The following TMX2 variants were observed in gnomAD, a reference collection of about 807,000 sequenced individuals.
The protein encoded by TMX2 is thioredoxin-related transmembrane protein 2.
Under a neutral mutation model 33.4 loss-of-function variants are expected in TMX2, and 20 were observed. The observed-to-expected ratio is 0.60, with a 90% CI of 0.42 to 0.87. The LOEUF (loss-of-function observed/expected upper bound fraction) is 0.87. Ranked by LOEUF, TMX2 falls within the 40% of genes least tolerant of loss-of-function variation. The pLI, the probability that TMX2 is intolerant of heterozygous loss-of-function variation, is 0.00. For synonymous variants in TMX2, 166 were observed against 140.7 expected, an observed-to-expected ratio of 1.18 and a Z score of -1.27; for missense variants, 340 against 370.7, an observed-to-expected ratio of 0.92 and a Z score of 0.68.
chr11:57,716,600 T>A (rs1328332999), intron 1 of TMX2, among the ~76,000 whole-genome samples: 1 of 120,580 alleles, frequency 8.3e-6, no homozygotes, highest in East Asian at 2.9e-4. Context: ...ACGGGGCGGC[T>A]GGCCGGGTGG....
chr11:57,739,315 C>T, intron 7 of TMX2, 55 bp downstream of exon 7: 3 of 1,595,842 alleles, frequency 1.9e-6, no homozygotes, highest in Non-Finnish European at 2.6e-6. Flanking sequence ...GGTGGGCTTT[C>T]AAGCCCTACC....
chr11:57,727,141 A>C (rs985910037), intron 1 of TMX2, among the ~76,000 whole-genome samples: 1 of 152,192 alleles, frequency 6.6e-6, no homozygotes, highest in Non-Finnish European at 1.5e-5. Context: ...ATAATAGCTC[A>C]GAAAATAGAT....
chr11:57,737,011 G>A (rs902988824), intron 1 of TMX2, among the ~76,000 whole-genome samples: 2 of 152,030 alleles, frequency 1.3e-5, no homozygotes, highest in African/African-American at 2.4e-5. Context: ...ATAATCTTAC[G>A]ATTTTATACC....
At position 57,739,207 on chromosome 11, in the gene TMX2, C is replaced by T. The variant is rs759161110; in HGVS notation, c.691C>T (p.Arg231Trp). The change falls in exon 7 of 8, where the codon CGG becomes TGG. Residue 231 changes from arginine (R) to tryptophan (W), a missense_variant. Coordinates refer to ENST00000278422, the MANE Select transcript of TMX2 (RefSeq NM_015959.4). ...ILFQGGKEAM[R>W]RPQIDKKGRA... ...GTTCCAAGGTGGCAAGGAGGCAATG[C>T]GGCGGCCACAGATTGACAAGAAAGG... 1.2e-5 allele frequency: 20 copies of T among 1,613,966 alleles called. No individual in the cohort carries two copies. Among genetic ancestry groups the T allele is most frequent in the Admixed American group, 3.3e-5 (2 of 59,994 alleles).
Position 57,740,208 on chromosome 11 carries a change from C to A in TMX2, c.854C>A (p.Thr285Asn). The A allele has an allele frequency of 1.2e-6, 2 of 1,611,832 alleles. No individual in the cohort carries two copies. Among genetic ancestry groups the A allele is most frequent in the African/African-American group, 1.3e-5 (1 of 74,840 alleles). The change falls in exon 8 of 8, where the codon ACC becomes AAC. Residue 285 changes from threonine to asparagine, a missense_variant. Coordinates refer to ENST00000278422, the MANE Select transcript of TMX2 (RefSeq NM_015959.4). ...GAGCAGCCTGTGGCTTCAACCCCCA[C>A]CACAGTGTCAGATGGGGAAAACAAG... ...PEEQPVASTPTTVSDGENKKD... is the reference protein window; with the variant it reads ...PEEQPVASTPNTVSDGENKKD...
chr11:57,725,047 A>C (rs1287689270), intron 1 of TMX2, among the ~76,000 whole-genome samples: 1 of 151,678 alleles, frequency 6.6e-6, no homozygotes, highest in African/African-American at 2.4e-5. Context: ...TCAAAAAAAA[A>C]AAAAAAAAGA....
chr11:57,712,897 G>A (rs2135431002), intron 1 of TMX2, 90 bp downstream of exon 1: 1 of 1,408,030 alleles, frequency 7.1e-7, no homozygotes, highest in Non-Finnish European at 9.8e-7. Context: ...CCTCTCTGAG[G>A]ACACCTGAGG....
intron 1 of TMX2, among the ~76,000 whole-genome samples, chr11:57,716,545 C>T (rs1373198511): frequency 5.6e-5 from 7 of 124,088 alleles, no homozygotes; most frequent in East Asian, 2.7e-4. Context: ...ACCTCCCGGA[C>T]GGGGCGGCTG....
At chr11:57,739,772 C>CT (rs1203956432) in intron 7 of TMX2, among the ~76,000 whole-genome samples, 3 of 152,008 alleles carry the variant, frequency 2.0e-5, no homozygotes, top group African/African-American at 7.2e-5. Context: ...AAAAAAGATT[C>CT]TGTCTCGAAG....
intron 4 of TMX2, 71 bp from the exon 5 acceptor site, chr11:57,738,593 A>C: frequency 2.9e-6 from 4 of 1,375,002 alleles, no homozygotes; most frequent in South Asian, 1.2e-5. Context: ...ATGAGGAATT[A>C]GATGCTAAAG....
At chr11:57,739,081 C>CT in intron 6 of TMX2, 42 bp downstream of exon 6, 1 of 1,614,170 alleles carries the variant, frequency 6.2e-7, no homozygotes. Flanking sequence ...AGGGAAATCA[C>CT]TTTGAGTGAT....
Position 57,712,654 on chromosome 11 carries a change from T to C in TMX2, c.36T>C (p.Tyr12=). The C allele has an allele frequency of 6.2e-7, 1 of 1,614,158 alleles. No homozygotes were observed. The highest frequency in any genetic ancestry group is 8.5e-7 in the Non-Finnish European group (1 of 1,180,020). Residue 12 remains tyrosine, a synonymous_variant, in exon 1 of 8, where the codon TAT becomes TAC. Coordinates refer to ENST00000278422, the MANE Select transcript of TMX2 (RefSeq NM_015959.4). ...AVLAPLIALV[Y]SVPRLSRWLA... ...TGGCACCTCTAATTGCTCTCGTGTA[T>C]TCGGTGCCGCGACTTTCACGATGGC... is the stretch of plus-strand genomic sequence containing the variant.
At chr11:57,735,052 C>T (rs1249955779) in intron 1 of TMX2, among the ~76,000 whole-genome samples, 2 of 151,616 alleles carry the variant, frequency 1.3e-5, no homozygotes, top group Non-Finnish European at 2.9e-5. Flanking sequence ...ATCGGTTGAA[C>T]CTGGGAGGCG....
intron 5 of TMX2, 87 bp from the exon 6 acceptor site, chr11:57,738,887 C>T (rs1164352383): frequency 3.3e-6 from 5 of 1,536,724 alleles, no homozygotes; most frequent in Non-Finnish European, 4.5e-6. Context: ...CCAAAGGCAT[C>T]TCCCTCTCCC....
chr11:57,716,175 C>T (rs1371438025), intron 1 of TMX2, among the ~76,000 whole-genome samples: 1 of 151,824 alleles, frequency 6.6e-6, no homozygotes, highest in East Asian at 2.0e-4. Context: ...AGAGGCGCCC[C>T]TCACCTCCCG....
At chr11:57,731,483 A>G (rs1220727032) in intron 1 of TMX2, among the ~76,000 whole-genome samples, 1 of 102,226 alleles carries the variant, frequency 9.8e-6, no homozygotes, top group Non-Finnish European at 1.9e-5. Context: ...AAATCAATGT[A>G]TTTGATGTCT....
At chr11:57,728,987 G>A (rs1371682354) in intron 1 of TMX2, among the ~76,000 whole-genome samples, 1 of 152,128 alleles carries the variant, frequency 6.6e-6, no homozygotes, top group Admixed American at 6.5e-5. Flanking sequence ...CAGACCTCTG[G>A]AGAGAGACAC....
intron 1 of TMX2, among the ~76,000 whole-genome samples, chr11:57,736,156 T>G (rs1948739203): frequency 6.6e-6 from 1 of 152,144 alleles, no homozygotes; most frequent in African/African-American, 2.4e-5. Context: ...TTCAGTCACT[T>G]CAGGGCTTAG....
At chr11:57,725,889 A>G (rs775602135) in intron 1 of TMX2, among the ~76,000 whole-genome samples, 2 of 152,182 alleles carry the variant, frequency 1.3e-5, no homozygotes, top group Non-Finnish European at 2.9e-5. Flanking sequence ...TCTGCTTACT[A>G]TAAAATTAAG....
Sources: gnomAD v4.1 joint callset for allele counts (sites outside exome capture counted in the v4.1 genomes callset) on GRCh38, gnomAD v4.1.1 for gene constraint, MANE v1.5 for transcripts, NCBI Gene and HGNC (gene_info 2026-07-23, HGNC 2026-07-21) for gene names.